Variants in HPSE2 observed in about 807,000 individuals in gnomAD.
HPSE2 encodes the protein heparanase 2 (inactive), also known as inactive heparanase-2.
HPSE2 carries 38 observed loss-of-function variants against 60.5 expected under a neutral mutation model. The ratio of observed to expected loss-of-function variants is 0.63; its 90% CI spans 0.48 to 0.82. The LOEUF is 0.82. Ranked by LOEUF, HPSE2 falls within the 40% of genes least tolerant of loss-of-function variation. The pLI is 0.00. For missense variants in HPSE2, 713 were observed against 740.4 expected, an observed-to-expected ratio of 0.96 and a Z score of 0.43; for synonymous variants, 295 against 293.2, an observed-to-expected ratio of 1.01 and a Z score of -0.06.
intron 5 of HPSE2, among the ~76,000 whole-genome samples, chr10:98,713,312 T>G (rs1948717833): frequency 6.6e-6 from 1 of 152,038 alleles, no homozygotes; most frequent in Admixed American, 6.6e-5. Flanking sequence ...TGACATCATA[T>G]GAACTAGGTT....
intron 3 of HPSE2, among the ~76,000 whole-genome samples, chr10:98,970,505 C>T (rs1955925029): frequency 6.6e-6 from 1 of 152,032 alleles, no homozygotes; most frequent in African/African-American, 2.4e-5. Context: ...CGTCTTTGCC[C>T]CAATGAGGGA....
chr10:98,884,676 G>A (rs1281804651), intron 3 of HPSE2, among the ~76,000 whole-genome samples: 1 of 152,142 alleles, frequency 6.6e-6, no homozygotes, highest in Non-Finnish European at 1.5e-5. Flanking sequence ...CCAGGGACTG[G>A]TTTTGTGGAA....
chr10:98,630,514 G>T (rs1006269502), intron 7 of HPSE2, among the ~76,000 whole-genome samples: 1 of 151,752 alleles, frequency 6.6e-6, no homozygotes, highest in Non-Finnish European at 1.5e-5. Context: ...TTTTTTTACC[G>T]ATTACCTTTC....
At chr10:98,986,151 A>G (rs1191372584) in intron 3 of HPSE2, among the ~76,000 whole-genome samples, 2 of 152,198 alleles carry the variant, frequency 1.3e-5, no homozygotes, top group South Asian at 2.1e-4. Context: ...CCTAATAGAC[A>G]TCTACAGAAC....
At chr10:98,565,505 C>G (rs1327764327) in intron 9 of HPSE2, among the ~76,000 whole-genome samples, 1 of 152,256 alleles carries the variant, frequency 6.6e-6, no homozygotes, top group East Asian at 1.9e-4. Flanking sequence ...AGGACATGAT[C>G]TCATTCTTTT....
chr10:99,250,842 G>C, the HPSE2 span, among the ~76,000 whole-genome samples: 1 of 152,056 alleles, frequency 6.6e-6, no homozygotes, highest in African/African-American at 2.4e-5. Flanking sequence ...CAAAATCCCT[G>C]AGTTGTATCA....
intron 3 of HPSE2, among the ~76,000 whole-genome samples, chr10:98,951,693 G>A (rs1955361635): frequency 6.6e-6 from 1 of 152,086 alleles, no homozygotes; most frequent in Non-Finnish European, 1.5e-5. Context: ...AATCTCATAG[G>A]AATCCTGCAT....
At chr10:99,034,966 C>T (rs1745754915) in intron 3 of HPSE2, among the ~76,000 whole-genome samples, 1 of 152,062 alleles carries the variant, frequency 6.6e-6, no homozygotes, top group South Asian at 2.1e-4. Context: ...ACTTGCAGAA[C>T]CATAAGTTTC....
intron 3 of HPSE2, among the ~76,000 whole-genome samples, chr10:99,114,311 G>A (rs1191296139): frequency 7.2e-5 from 11 of 152,040 alleles, no homozygotes; most frequent in South Asian, 2.1e-4. Context: ...TTAAGTCACC[G>A]TCCAAAAAAA....
chr10:98,998,619 G>A (rs1165917371), intron 3 of HPSE2, among the ~76,000 whole-genome samples: 1 of 152,104 alleles, frequency 6.6e-6, no homozygotes, highest in Non-Finnish European at 1.5e-5. Context: ...TCCAAACACA[G>A]GAAGTGAACC....
chr10:98,757,861 A>G (rs1470809112), intron 3 of HPSE2, among the ~76,000 whole-genome samples: 1 of 152,208 alleles, frequency 6.6e-6, no homozygotes, highest in East Asian at 1.9e-4. Context: ...ATATGGAACA[A>G]GAAAGAACCC....
At chr10:98,945,957 C>G (rs1955169402) in intron 3 of HPSE2, among the ~76,000 whole-genome samples, 1 of 151,906 alleles carries the variant, frequency 6.6e-6, no homozygotes, top group Non-Finnish European at 1.5e-5. Context: ...CTGTGCGGGT[C>G]AACTTATATG....
chr10:98,626,832 G>A (rs1038292598), intron 7 of HPSE2, among the ~76,000 whole-genome samples: 2 of 151,924 alleles, frequency 1.3e-5, no homozygotes, highest in Non-Finnish European at 2.9e-5. Flanking sequence ...GAGTGCACTG[G>A]TGCAATCTCG....
intron 9 of HPSE2, among the ~76,000 whole-genome samples, chr10:98,585,968 A>C (rs1944929677): frequency 7.1e-6 from 1 of 140,770 alleles, no homozygotes. Context: ...AAAAAAAAAA[A>C]AAAGTCCTTA....
intron 3 of HPSE2, among the ~76,000 whole-genome samples, chr10:98,816,437 G>C (rs1159091593): frequency 6.6e-6 from 1 of 152,068 alleles, no homozygotes; most frequent in Admixed American, 6.5e-5. Flanking sequence ...GTATTTTATG[G>C]CCCTTGTGTT....
At chr10:98,476,355 A>T (rs1050077009) in intron 11 of HPSE2, among the ~76,000 whole-genome samples, 2 of 146,848 alleles carry the variant, frequency 1.4e-5, no homozygotes, top group African/African-American at 5.1e-5. Flanking sequence ...TAGCATTAGG[A>T]GATATACCTA....
chr10:99,296,688 C>G, the HPSE2 span, among the ~76,000 whole-genome samples: 1 of 152,232 alleles, frequency 6.6e-6, no homozygotes, highest in Non-Finnish European at 1.5e-5. Flanking sequence ...CTTGCCTGCC[C>G]TGCATCAGCT....
At chr10:99,230,184 A>G (rs1339874301) in intron 2 of HPSE2, among the ~76,000 whole-genome samples, 1 of 152,246 alleles carries the variant, frequency 6.6e-6, no homozygotes, top group Non-Finnish European at 1.5e-5. Flanking sequence ...GAAAGTTTTA[A>G]AAGAATTAGA....
chr10:98,554,654 G>C (rs1276067463), intron 9 of HPSE2, among the ~76,000 whole-genome samples: 2 of 152,164 alleles, frequency 1.3e-5, no homozygotes, highest in African/African-American at 4.8e-5. Flanking sequence ...ATAAAAGTAA[G>C]TAATATTCCA....
Sources: gnomAD v4.1 joint callset for allele counts (sites outside exome capture counted in the v4.1 genomes callset) on GRCh38, gnomAD v4.1.1 for gene constraint, MANE v1.5 for transcripts, NCBI Gene and HGNC (gene_info 2026-07-23, HGNC 2026-07-21) for gene names.